Variants in AGBL1 observed in about 807,000 individuals in gnomAD.
AGBL1 encodes the protein AGBL carboxypeptidase 1.
In AGBL1, 130 loss-of-function variants were observed where a neutral mutation model predicts 118.9. The observed-to-expected ratio is 1.09, with a 90% CI of 0.95 to 1.26. AGBL1 has a LOEUF of 1.26. AGBL1 is among the 50% of genes most tolerant of loss of function. The pLI is 0.00. For missense variants in AGBL1, 1,584 were observed against 1,298.1 expected (o/e 1.22, Z -3.38); for synonymous variants, 555 against 478.9 (o/e 1.16, Z -2.08).
intron 22 of AGBL1, among the ~76,000 whole-genome samples, chr15:86,788,604 G>A (rs562650489): frequency 3.9e-4 from 59 of 152,210 alleles, no homozygotes; most frequent in African/African-American, 1.4e-3. Flanking sequence ...GATGCGAGAC[G>A]GTCATAGGCA....
chr15:86,090,828 C>T (rs1895972166), intron 1 of AGBL1, among the ~76,000 whole-genome samples: 1 of 152,002 alleles, frequency 6.6e-6, no homozygotes, highest in Non-Finnish European at 1.5e-5. Flanking sequence ...TTTCCTTTTT[C>T]TTATATCTTG....
rs1238976927 is a variant in AGBL1 at position 86,247,672 on chromosome 15, G to A, written c.528G>A (p.Lys176=). The A allele has an allele frequency of 1.3e-6, 2 of 1,598,268 alleles. No individual in the cohort carries two copies. Among genetic ancestry groups the A allele is most frequent in the South Asian group, 1.1e-5 (1 of 88,558 alleles). The part of the protein sequence containing the change: ...TEVLAALLKS[K]SNGRRAVNRG... ...CCCTGCCTTTCCCTTTGTTTTCAGA[G>A]TCGAACGGCCGCAGAGCAGTGAACC... The change falls in exon 7 of 23, where the codon AAG becomes AAA. Residue 176 remains lysine, a splice_region_variant and synonymous_variant. Coordinates refer to ENST00000614907, the MANE Select transcript of AGBL1 (RefSeq NM_001386094.1).
intron 22 of AGBL1, among the ~76,000 whole-genome samples, chr15:86,677,113 A>G (rs1439242340): frequency 3.3e-5 from 5 of 152,168 alleles, no homozygotes; most frequent in South Asian, 2.1e-4. Context: ...AGCCAGGAAG[A>G]CAAAGTGTGG....
At chr15:86,306,131 A>G (rs2079837132) in intron 17 of AGBL1, among the ~76,000 whole-genome samples, 1 of 152,224 alleles carries the variant, frequency 6.6e-6, no homozygotes, top group South Asian at 2.1e-4. Context: ...TGGGACATCC[A>G]TCCCCTCAAA....
chr15:86,657,295 A>C (rs1328555101), intron 21 of AGBL1, among the ~76,000 whole-genome samples: 1 of 152,146 alleles, frequency 6.6e-6, no homozygotes, highest in Non-Finnish European at 1.5e-5. Flanking sequence ...AGCCCCGGTA[A>C]GAGCTCGTTT....
At chr15:86,689,004 A>G (rs1290230522) in intron 22 of AGBL1, among the ~76,000 whole-genome samples, 1 of 152,158 alleles carries the variant, frequency 6.6e-6, no homozygotes, top group African/African-American at 2.4e-5. Context: ...ACTCAGCATA[A>G]TACTTTTGCG....
intron 22 of AGBL1, among the ~76,000 whole-genome samples, chr15:86,796,396 C>T (rs1358377761): frequency 2.6e-5 from 4 of 152,190 alleles, no homozygotes; most frequent in Non-Finnish European, 5.9e-5. Flanking sequence ...AGTAGTTGGT[C>T]TCAATCTATT....
chr15:86,905,049 T>C (rs1002218947), intron 22 of AGBL1, among the ~76,000 whole-genome samples: 1 of 152,232 alleles, frequency 6.6e-6, no homozygotes, highest in Non-Finnish European at 1.5e-5. Flanking sequence ...GATGGAGTTA[T>C]CAAAATAGTC....
rs79074068 is a variant in AGBL1, at chr15:86,130,942, C to G, written c.52-11062C>G. On this transcript the variant is annotated intron_variant, in intron 1 of 22. Coordinates refer to ENST00000614907, the MANE Select transcript of AGBL1 (RefSeq NM_001386094.1). ...GCAATTATCTGAAACCTCAATTGGT[C>G]TGGACATTTAAGATTGCTCCCTTCC... 7.1e-3 allele frequency among the ~76,000 whole-genome samples: 1,087 copies of G among 152,256 alleles called. 7 individuals carry two copies. The highest frequency in any genetic ancestry group is 0.014 in the Middle Eastern group (4 of 294).
At chr15:86,422,113 G>C (rs1272069642) in intron 18 of AGBL1, among the ~76,000 whole-genome samples, 1 of 152,150 alleles carries the variant, frequency 6.6e-6, no homozygotes, top group Non-Finnish European at 1.5e-5. Flanking sequence ...GACATCTACA[G>C]AACTCTCGAC....
chr15:86,276,126 T>A (rs1230451704), intron 15 of AGBL1, among the ~76,000 whole-genome samples: 1 of 152,210 alleles, frequency 6.6e-6, no homozygotes, highest in Non-Finnish European at 1.5e-5. Flanking sequence ...AGTATATGGA[T>A]CATTTTATTA....
intron 17 of AGBL1, among the ~76,000 whole-genome samples, chr15:86,313,808 A>C (rs1484196396): frequency 6.6e-6 from 1 of 152,220 alleles, no homozygotes; most frequent in Non-Finnish European, 1.5e-5. Flanking sequence ...GATAAAGCTG[A>C]TGGGGTTTTT....
At chr15:86,116,830 A>G (rs921485579) in intron 1 of AGBL1, 2 of 152,178 alleles carry the variant, frequency 1.3e-5, no homozygotes, top group East Asian at 1.9e-4. Flanking sequence ...CTCCATAATT[A>G]CATGAGCCAA....
At chr15:86,404,445 G>C (rs1454027688) in intron 18 of AGBL1, among the ~76,000 whole-genome samples, 1 of 152,160 alleles carries the variant, frequency 6.6e-6, no homozygotes, top group Non-Finnish European at 1.5e-5. Flanking sequence ...AGCTTAGACT[G>C]TCTCCTCTGG....
chr15:86,410,430 C>T (rs1202289634), intron 18 of AGBL1, among the ~76,000 whole-genome samples: 1 of 152,116 alleles, frequency 6.6e-6, no homozygotes, highest in African/African-American at 2.4e-5. Flanking sequence ...AGAAGACCCA[C>T]TTTAGGTCAA....
Position 86,264,846 on chromosome 15 carries a change from C to G in AGBL1, c.1667+8C>G. On this transcript the variant is annotated splice_region_variant and intron_variant, in intron 11 of 22. Coordinates refer to ENST00000614907, the MANE Select transcript of AGBL1 (RefSeq NM_001386094.1). ...AAAATGTGGAGTCCAAAGGTGATGGCGCTACTGACTTGGGAGCTCTTTTTT... is the reference window on the plus strand; with the variant it reads ...AAAATGTGGAGTCCAAAGGTGATGGGGCTACTGACTTGGGAGCTCTTTTTT... The G allele has an allele frequency of 6.4e-7, 1 of 1,570,870 alleles. No individual in the cohort carries two copies. The highest frequency in any genetic ancestry group is 8.6e-7 in the Non-Finnish European group (1 of 1,163,052).
intron 1 of AGBL1, among the ~76,000 whole-genome samples, chr15:86,080,555 T>C (rs751883124): frequency 2.9e-4 from 44 of 152,350 alleles, no homozygotes; most frequent in Non-Finnish European, 4.6e-4. Flanking sequence ...GTTTGAATCA[T>C]GTAGGGCAGT....
chr15:86,379,551 G>T (rs2081085074), intron 17 of AGBL1, among the ~76,000 whole-genome samples: 1 of 152,072 alleles, frequency 6.6e-6, no homozygotes, highest in African/African-American at 2.4e-5. Flanking sequence ...TAATTACATT[G>T]ATTGGGCAAT....
chr15:86,652,895 C>T (rs1475438136), intron 21 of AGBL1, among the ~76,000 whole-genome samples: 2 of 152,034 alleles, frequency 1.3e-5, no homozygotes, highest in East Asian at 1.9e-4. Flanking sequence ...TAACTAGGTA[C>T]GGATGCAATG....
Sources: gnomAD v4.1 joint callset for allele counts (sites outside exome capture counted in the v4.1 genomes callset) on GRCh38, gnomAD v4.1.1 for gene constraint, MANE v1.5 for transcripts, NCBI Gene and HGNC (gene_info 2026-07-23, HGNC 2026-07-21) for gene names.